The following NELFCD variants were observed in gnomAD, a reference collection of about 807,000 sequenced individuals.
NELFCD encodes the protein negative elongation factor C/D.
A neutral mutation model predicts 72.9 loss-of-function variants in NELFCD; 48 were observed. The ratio of observed to expected loss-of-function variants is 0.66; its 90% CI spans 0.52 to 0.84. The LOEUF is 0.84. Ranked by LOEUF, NELFCD falls within the 40% of genes least tolerant of loss-of-function variation. NELFCD has a pLI of 0.00. For synonymous variants in NELFCD, 297 were observed against 280.6 expected, an observed-to-expected ratio of 1.06 and a Z score of -0.59; for missense variants, 538 against 723.8, an observed-to-expected ratio of 0.74 and a Z score of 2.94.
In NELFCD at chr20:58,991,336, C is replaced by T. The variant is rs1367659425; in HGVS notation, c.979C>T (p.Leu327=). 2 of 1,614,218 alleles carry T rather than the reference C, an allele frequency of 1.2e-6. No homozygotes were observed. Among genetic ancestry groups the T allele is most frequent in the Non-Finnish European group, 8.5e-7 (1 of 1,180,042 alleles). Residue 327 remains leucine (L), a synonymous_variant, in exon 9 of 15, where the codon CTG becomes TTG. Transcript: ENST00000652272. The part of the protein sequence containing the change: ...ELIRVPAFLD[L]FMQSLFKPGA... ...GATCCGCGTTCCAGCCTTCCTGGAC[C>T]TGTTCATGCAGTCACTCTTTAAACC... is the stretch of plus-strand genomic sequence containing the variant.
Position 58,994,574 on chromosome 20 carries a change from A to AG in NELFCD, c.1712-68_1712-67insG. ...CAAAACTGCATCTCAAAAAAAAAAA[A>AG]AAAAAAGAAAGAAAATGTCATGTTC... is the stretch of plus-strand genomic sequence containing the variant. On this transcript the variant is annotated intron_variant, in intron 14 of 14. Coordinates refer to ENST00000652272, the MANE Select transcript of NELFCD (RefSeq NM_198976.4). The AG allele has an allele frequency of 2.2e-6, 3 of 1,357,850 alleles. No homozygotes were observed. The East Asian group carries it at 6.9e-5, about 31-fold the overall frequency. The allele number at this position is 1,357,850 out of a possible 1,614,324, so 84.1% of individuals were successfully genotyped here.
intron 3 of NELFCD, chr20:58,987,200 A>C: frequency 3.5e-6 from 1 of 287,390 alleles, no homozygotes. Context: ...GCAGTAAATG[A>C]CGGATAATTT....
Position 58,991,084 on chromosome 20 carries a change from C to T in NELFCD, c.954+9C>T. On this transcript the variant is annotated intron_variant, in intron 8 of 14. Transcript: ENST00000652272. ...CTCCTCCGGTTGAACTTGTAAGTTG[C>T]TTCTCAAGAATCCCCAATGTCAGCT... The T allele has an allele frequency of 5.0e-6, 8 of 1,611,626 alleles. No homozygotes were observed. Among genetic ancestry groups the T allele is most frequent in the Non-Finnish European group, 6.8e-6 (8 of 1,178,304 alleles).
rs2091771650 is a variant in NELFCD at position 58,986,305 on chromosome 20, C to T, written c.176+97C>T. On this transcript the variant is annotated intron_variant, in intron 2 of 14. Coordinates refer to ENST00000652272, the MANE Select transcript of NELFCD (RefSeq NM_198976.4). The surrounding 1 kb of genome is among the most constrained non-coding windows in gnomAD (Gnocchi z 4.4). ...AAGGTGCTATGTAAAGCAAGAGTAA[C>T]GCGAACTGAACTAAAGGCTTCAAGG... 8.6e-6 allele frequency: 7 copies of T among 814,704 alleles called. No individual in the cohort carries two copies. The highest frequency in any genetic ancestry group is 2.4e-4 in the Middle Eastern group (1 of 4,142). The allele number at this position is 814,704 out of a possible 1,614,324, so 50.5% of individuals were successfully genotyped here.
intron 1 of NELFCD, among the ~76,000 whole-genome samples, chr20:58,982,553 G>C (rs981355112): frequency 1.3e-5 from 2 of 152,212 alleles, no homozygotes; most frequent in Non-Finnish European, 2.9e-5. Context: ...TGGGGCTTAC[G>C]TTGATAAACA....
chr20:58,986,883 T>A lies in NELFCD; in HGVS notation c.286+20T>A, dbSNP rs1212272645. 1.3e-6 allele frequency: 2 copies of A among 1,540,912 alleles called. No homozygotes were observed. Among genetic ancestry groups the A allele is most frequent in the South Asian group, 1.1e-5 (1 of 87,278 alleles). On this transcript the variant is annotated intron_variant, in intron 3 of 14. Transcript: ENST00000652272. The surrounding 1 kb of genome is among the most constrained non-coding windows in gnomAD (Gnocchi z 4.4). ...AGACAGGTGCTTTGTGGGTGTCCCC[T>A]GTCCTGGCTAGTTACCCCCACTTTT...
intron 1 of NELFCD, among the ~76,000 whole-genome samples, chr20:58,984,937 C>G (rs1179427065): frequency 1.3e-5 from 2 of 152,348 alleles, no homozygotes; most frequent in East Asian, 1.9e-4. Flanking sequence ...CCATGCAAAT[C>G]TGGTCTGAGA....
chr20:58,989,695 T>C, intron 6 of NELFCD, 55 bp downstream of exon 6: 1 of 1,612,372 alleles, frequency 6.2e-7, no homozygotes, highest in Non-Finnish European at 8.5e-7. Flanking sequence ...TGGGTCTTGG[T>C]TTTCAAGCAT....
chr20:58,993,681 G>A lies in NELFCD; in HGVS notation c.1498G>A (p.Val500Ile). 6.2e-7 allele frequency: 1 copy of A among 1,614,222 alleles called. No homozygotes were observed. Among genetic ancestry groups the A allele is most frequent in the Non-Finnish European group, 8.5e-7 (1 of 1,180,040 alleles). Residue 500 changes from valine (V) to isoleucine (I), a missense_variant, in exon 13 of 15, where the codon GTA becomes ATA. Around this residue, in one of 3 missense-constraint regions of NELFCD, gnomAD observed 136 missense variants for 154.0 expected, o/e 0.88. Coordinates refer to ENST00000652272, the MANE Select transcript of NELFCD (RefSeq NM_198976.4). This position sits in a 1 kb window ranked among gnomAD's most constrained non-coding sequence, Gnocchi z 5.0. ...RMVHLLSRGY[V>I]LPVVSYIRKC... ...GGTTCACCTGCTGAGTCGAGGTTAT[G>A]TACTTCCTGTTGTCAGTTACATCCG...
rs1306676913 is a variant in NELFCD at position 58,990,958 on chromosome 20, C to T, written c.837C>T (p.Ser279=). ...QITLALGTAA[S]YPRACQALGA... is the part of the protein sequence containing the mutation. ...CACTAGCCTTGGGCACAGCTGCCTCCTACCCCAGGGCCTGCCAGGCTCTCG... is the reference window on the plus strand; with the variant it reads ...CACTAGCCTTGGGCACAGCTGCCTCTTACCCCAGGGCCTGCCAGGCTCTCG... The change falls in exon 8 of 15, where the codon TCC becomes TCT. Residue 279 remains serine (S), a synonymous_variant. Transcript: ENST00000652272. The T allele has an allele frequency of 3.7e-6, 6 of 1,614,090 alleles. No homozygotes were observed. Among genetic ancestry groups the T allele is most frequent in the African/African-American group, 1.3e-5 (1 of 74,930 alleles).
In NELFCD at chr20:58,986,741, T is replaced by C; in HGVS notation, c.177-13T>C. On this transcript the variant is annotated splice_polypyrimidine_tract_variant and intron_variant, in intron 2 of 14. Coordinates refer to ENST00000652272, the MANE Select transcript of NELFCD (RefSeq NM_198976.4). This position sits in a 1 kb window ranked among gnomAD's most constrained non-coding sequence, Gnocchi z 4.4. ...ATTCATTCGGGTGTAATTGCTGTTG[T>C]TACTTTCCCTAGGTATTTTCAGGCA... 1 of 1,515,972 alleles carries C rather than the reference T, an allele frequency of 6.6e-7. No individual in the cohort carries two copies. The highest frequency in any genetic ancestry group is 9.2e-7 in the Non-Finnish European group (1 of 1,090,610). 93.9% of individuals were successfully genotyped at this position (1,515,972 alleles called of 1,614,324 possible).
chr20:58,993,216 C>A lies in NELFCD; in HGVS notation c.1344+104C>A. 1 of 951,534 alleles carries A rather than the reference C, an allele frequency of 1.1e-6. No individual in the cohort carries two copies. Among genetic ancestry groups the A allele is most frequent in the Non-Finnish European group, 1.7e-6 (1 of 604,872 alleles). The allele number at this position is 951,534 out of a possible 1,614,324, so 58.9% of individuals were successfully genotyped here. On this transcript the variant is annotated intron_variant, in intron 11 of 14. Coordinates refer to ENST00000652272, the MANE Select transcript of NELFCD (RefSeq NM_198976.4). The surrounding 1 kb of genome is among the most constrained non-coding windows in gnomAD (Gnocchi z 5.0). ...TTCAGTGAGTTTAGAGGATACTCTT[C>A]TCAAAAATAGTTATTTCTGTCCTGA...
rs1384269717 is a variant in NELFCD, at chr20:58,987,837, T to C, written c.396+20T>C. On this transcript the variant is annotated intron_variant, in intron 4 of 14. Transcript: ENST00000652272. ...GGAGAGGTGAGAAATTATTTTTCTTTGCCTAGTACCAGGCCCTAGGGTCTT... is the reference window on the plus strand; with the variant it reads ...GGAGAGGTGAGAAATTATTTTTCTTCGCCTAGTACCAGGCCCTAGGGTCTT... 4 of 1,594,408 alleles carry C rather than the reference T, an allele frequency of 2.5e-6. No homozygotes were observed. The South Asian group carries it at 4.4e-5, about 18-fold the overall frequency.
rs142656445 is a variant in NELFCD at position 58,988,931 on chromosome 20, A to G, written c.414A>G (p.Glu138=). The G allele has an allele frequency of 7.7e-5, 124 of 1,614,090 alleles. No homozygotes were observed. In the African/African-American group the frequency reaches 1.3e-3, roughly 17 times the overall value. The change falls in exon 5 of 15, where the codon GAA becomes GAG. Residue 138 remains glutamate, a synonymous_variant. Transcript: ENST00000652272. ...TEEGETPAWL[E]QMIAHTTWRD... is the part of the protein sequence containing the mutation. The stretch of plus-strand genomic sequence containing the variant: ...GTTGGCAGACCCCAGCGTGGCTGGA[A>G]CAGATGATTGCACATACCACGTGGC...
At chr20:58,982,758 G>A (rs995789282) in intron 1 of NELFCD, among the ~76,000 whole-genome samples, 2 of 152,142 alleles carry the variant, frequency 1.3e-5, no homozygotes, top group Non-Finnish European at 2.9e-5. Flanking sequence ...TTTGGGGCAG[G>A]GAGTGACACG....
At chr20:58,987,839 C>T (rs1164841319) in intron 4 of NELFCD, 22 bp downstream of exon 4, 1 of 1,588,372 alleles carries the variant, frequency 6.3e-7, no homozygotes, top group South Asian at 1.1e-5. Flanking sequence ...TTTTTCTTTG[C>T]CTAGTACCAG....
chr20:58,987,757 T>A lies in NELFCD; in HGVS notation c.336T>A (p.Ser112Arg). Reference sequence around the variant, plus strand: ...AAACTGTGGAAAATCACTTGAAGAGTTTGCTGATCAAACATTTTGACCCCC... The same window carrying A: ...AAACTGTGGAAAATCACTTGAAGAGATTGCTGATCAAACATTTTGACCCCC... ...VQETVENHLK[S>R]LLIKHFDPRK... The change falls in exon 4 of 15, where the codon AGT (serine) becomes AGA (arginine). Residue 112 changes from serine to arginine, a missense_variant. By Grantham distance (110) the Ser-to-Arg change is moderately radical. This residue lies in a region of NELFCD where 355 missense variants were observed against 534.5 expected (regional missense o/e 0.66). Transcript: ENST00000652272. The A allele has an allele frequency of 1.2e-6, 2 of 1,613,850 alleles. No individual in the cohort carries two copies. Among genetic ancestry groups the A allele is most frequent in the Non-Finnish European group, 1.7e-6 (2 of 1,179,974 alleles).
intron 3 of NELFCD, chr20:58,987,178 C>T (rs1170100010): frequency 3.3e-6 from 1 of 307,296 alleles, no homozygotes; most frequent in African/African-American, 2.2e-5. Context: ...TTCAAGACGT[C>T]TATTACAGCA....
At chr20:58,983,393 C>T (rs2146347291) in intron 1 of NELFCD, among the ~76,000 whole-genome samples, 1 of 151,538 alleles carries the variant, frequency 6.6e-6, no homozygotes, top group African/African-American at 2.4e-5. Context: ...GCCCCGGCCT[C>T]CCAAAATGCT....
Sources: allele counts gnomAD v4.1 joint callset (sites outside exome capture counted in the v4.1 genomes callset), GRCh38; gene constraint gnomAD v4.1.1; regional missense constraint gnomAD v4.1.1; non-coding constraint Gnocchi (gnomAD v3.1); transcripts MANE v1.5; gene names NCBI Gene and HGNC (gene_info 2026-07-23, HGNC 2026-07-21).